Variants in OR52N4 observed in about 807,000 individuals in gnomAD.
OR52N4 encodes the protein olfactory receptor 52N4.
Under a neutral mutation model 15.0 loss-of-function variants are expected in OR52N4, and 15 were observed. The observed-to-expected ratio is 1.00, with a 90% confidence interval of 0.67 to 1.54. OR52N4 has a LOEUF of 1.54. OR52N4 is among the 40% of genes most tolerant of loss of function. The probability of loss-of-function intolerance (pLI) is 0.00; values close to 1 mark genes in which losing one functional copy is unlikely to be tolerated. For synonymous variants in OR52N4, 143 were observed against 143.7 expected, an observed-to-expected ratio of 1.00 and a Z score of 0.03; for missense variants, 421 against 394.0, an observed-to-expected ratio of 1.07 and a Z score of -0.58.
At chr11:5,751,376 TTC>T (rs888702914), upstream of OR52N4, among the ~76,000 whole-genome samples, 65 of 152,128 alleles carry the variant, frequency 4.3e-4, no homozygotes, top group African/African-American at 1.1e-3. Flanking sequence ...CCACTTTGTA[TTC>T]TCTGTTTCTC....
chr11:5,736,986 T>C, the OR52N4 span: 46 of 1,614,034 alleles, frequency 2.9e-5, no homozygotes, highest in Admixed American at 7.2e-4. Flanking sequence ...ACCCTGTTCA[T>C]GGTGCTGAGA....
the OR52N4 span, chr11:5,737,996 A>C: frequency 4.2e-3 from 655 of 156,264 alleles, 8 homozygotes; most frequent in African/African-American, 0.015. Context: ...CAAATCAGTC[A>C]ATGATGAGGA....
chr11:5,745,710 T>C, the OR52N4 span, among the ~76,000 whole-genome samples: 1 of 152,044 alleles, frequency 6.6e-6, no homozygotes, highest in Non-Finnish European at 1.5e-5. Flanking sequence ...AAAATTCACA[T>C]GGAACCAAAA....
the OR52N4 span, among the ~76,000 whole-genome samples, chr11:5,744,848 G>A: frequency 1.3e-5 from 2 of 152,176 alleles, no homozygotes; most frequent in Non-Finnish European, 2.9e-5. Flanking sequence ...TTGAACCTGG[G>A]AGGCAGAAGT....
At chr11:5,743,680 A>G in the OR52N4 span, among the ~76,000 whole-genome samples, 120,337 of 152,174 alleles carry the variant, frequency 0.79, 48,198 homozygotes, top group Non-Finnish European at 0.86. Flanking sequence ...AAACATTGAA[A>G]CACATGAAAT....
At chr11:5,739,812 T>C in the OR52N4 span, among the ~76,000 whole-genome samples, 1 of 128,352 alleles carries the variant, frequency 7.8e-6, no homozygotes, top group Non-Finnish European at 1.7e-5. Flanking sequence ...TTCCCTTGGC[T>C]GCTCCCAGAC....
chr11:5,736,833 G>C, the OR52N4 span: 1 of 1,613,930 alleles, frequency 6.2e-7, no homozygotes, highest in Non-Finnish European at 8.5e-7. Context: ...CTCCCTGAGT[G>C]CTTTGCTCAG....
At chr11:5,744,323 T>C in the OR52N4 span, among the ~76,000 whole-genome samples, 1 of 152,142 alleles carries the variant, frequency 6.6e-6, no homozygotes, top group East Asian at 1.9e-4. Context: ...TTTCAAAAAA[T>C]TGAAGAGGAG....
At chr11:5,748,045 A>T in the OR52N4 span, among the ~76,000 whole-genome samples, 1 of 147,330 alleles carries the variant, frequency 6.8e-6, no homozygotes, top group East Asian at 2.1e-4. Flanking sequence ...TTTTGAAAGG[A>T]TCTACATACA....
chr11:5,755,782 C>A lies in OR52N4; in HGVS notation c.*76C>A, dbSNP rs1343971080. On this transcript the variant is annotated 3_prime_UTR_variant, in exon 2 of 2. Transcript: ENST00000641350. Reference sequence around the variant, plus strand: ...CCTCTTATGCAGGAGTTCATAAAATCTTTCTGGAAGCACTGTATTGATCAC... The same window carrying A: ...CCTCTTATGCAGGAGTTCATAAAATATTTCTGGAAGCACTGTATTGATCAC... The A allele has an allele frequency of 3.3e-6, 5 of 1,521,742 alleles. No individual in the cohort carries two copies. Among genetic ancestry groups the A allele is most frequent in the Admixed American group, 4.1e-5 (2 of 49,324 alleles). The allele number at this position is 1,521,742 out of a possible 1,614,324, so 94.3% of individuals were successfully genotyped here.
upstream of OR52N4, among the ~76,000 whole-genome samples, chr11:5,752,166 C>T (rs1854204938): frequency 6.6e-6 from 1 of 152,150 alleles, no homozygotes. Flanking sequence ...AGCATCTGTC[C>T]TCTTCTCTAG....
At chr11:5,739,395 A>C in the OR52N4 span, among the ~76,000 whole-genome samples, 3 of 123,394 alleles carry the variant, frequency 2.4e-5, no homozygotes, top group African/African-American at 8.8e-5. Flanking sequence ...TAAAAAATAC[A>C]AATAAATAAA....
the OR52N4 span, among the ~76,000 whole-genome samples, chr11:5,734,501 TA>T: frequency 2.6e-5 from 4 of 152,212 alleles, no homozygotes; most frequent in South Asian, 8.3e-4. Context: ...GTTAATATAT[TA>T]ACTGTTTTAT....
At chr11:5,740,796 T>G in the OR52N4 span, among the ~76,000 whole-genome samples, 4 of 124,784 alleles carry the variant, frequency 3.2e-5, 1 homozygote, top group African/African-American at 1.2e-4. Flanking sequence ...GAGCGTACAG[T>G]AAGCCAAGAT....
At chr11:5,736,973 G>A in the OR52N4 span, 8 of 1,613,964 alleles carry the variant, frequency 5.0e-6, no homozygotes, top group Admixed American at 1.3e-4. Context: ...AATCTTAAAA[G>A]CTACCCTGTT....
At chr11:5,739,561 CAAAA>C in the OR52N4 span, among the ~76,000 whole-genome samples, 2 of 44,868 alleles carry the variant, frequency 4.5e-5, no homozygotes, top group South Asian at 8.8e-4. Context: ...GACTCTGACT[CAAAA>C]AAAAAAAAAA....
chr11:5,737,545 A>C, the OR52N4 span: 1 of 1,502,298 alleles, frequency 6.7e-7, no homozygotes, highest in East Asian at 2.3e-5. Flanking sequence ...TGGATAGTAA[A>C]ATTTCAAAGA....
chr11:5,736,857 A>G, the OR52N4 span: 1 of 1,613,876 alleles, frequency 6.2e-7, no homozygotes, highest in Non-Finnish European at 8.5e-7. Context: ...TATGCCATTC[A>G]CTTCTTTGTG....
At chr11:5,730,532 T>C in the OR52N4 span, among the ~76,000 whole-genome samples, 14 of 152,156 alleles carry the variant, frequency 9.2e-5, no homozygotes, top group African/African-American at 3.4e-4. Context: ...AATTGTGTTA[T>C]ATTATGACTT....
Sources: gnomAD v4.1 joint callset for allele counts (sites outside exome capture counted in the v4.1 genomes callset) on GRCh38, gnomAD v4.1.1 for gene constraint, MANE v1.5 for transcripts, NCBI Gene and HGNC (gene_info 2026-07-23, HGNC 2026-07-21) for gene names.